The following CP variants were observed in gnomAD, a reference collection of about 807,000 sequenced individuals.
CP encodes ceruloplasmin.
CP carries 64 observed loss-of-function variants against 122.4 expected under a neutral mutation model. The observed-to-expected ratio is 0.52, with a 90% CI of 0.43 to 0.64. The LOEUF (loss-of-function observed/expected upper bound fraction) is 0.64. Among genes scored for constraint, CP ranks in the 30% least tolerant of loss-of-function variants. The pLI is 0.00. For synonymous variants in CP, 440 were observed against 436.4 expected, an observed-to-expected ratio of 1.01 and a Z score of -0.10; for missense variants, 1,167 against 1,284.4, an observed-to-expected ratio of 0.91 and a Z score of 1.40.
At chr3:149,217,888 T>C in intron 1 of CP, 6 of 452,152 alleles carry the variant, frequency 1.3e-5, no homozygotes, top group South Asian at 8.1e-5. Context: ...TGTTCTTTGT[T>C]GTCTAGTTTT....
intron 4 of CP, among the ~76,000 whole-genome samples, chr3:149,166,302 A>G (rs1196660853): frequency 6.6e-6 from 1 of 152,194 alleles, no homozygotes; most frequent in Non-Finnish European, 1.5e-5. Context: ...ATTAAGTGTT[A>G]AATTTTATTT....
intron 9 of CP, among the ~76,000 whole-genome samples, chr3:149,194,352 C>T (rs6440590): frequency 0.072 from 10,861 of 151,804 alleles, 1,291 homozygotes; most frequent in African/African-American, 0.25. Flanking sequence ...AATTCTTGTG[C>T]CTCAGCCTCC....
chr3:149,219,444 C>G (rs148035604), intron 1 of CP, among the ~76,000 whole-genome samples: 1 of 152,082 alleles, frequency 6.6e-6, no homozygotes, highest in African/African-American at 2.4e-5. Flanking sequence ...GTGGTTTCCC[C>G]CATATTGTTC....
intron 10 of CP, 133 bp from the exon 11 acceptor site, chr3:149,186,865 G>A (rs1726215001): frequency 3.8e-6 from 3 of 786,460 alleles, no homozygotes; most frequent in Non-Finnish European, 4.3e-6. Flanking sequence ...CGCTTTATGT[G>A]TCAGGAGTAT....
downstream of CP, chr3:149,172,194 AT>A (rs748044675): frequency 1.2e-6 from 2 of 1,613,564 alleles, no homozygotes; most frequent in Non-Finnish European, 1.7e-6. Flanking sequence ...TATCTTCTCT[AT>A]TGCAGTCGAA....
In CP at chr3:149,194,995, T is replaced by C. The variant is rs145674208; in HGVS notation, c.1713+3372A>G. On this transcript the variant is annotated intron_variant, in intron 9 of 18. Transcript: ENST00000264613. ...CAGAACAGCATAGAAAATCTAGAAA[T>C]AGACTCACTTATATATAAATATTTT... 5.7e-3 allele frequency among the ~76,000 whole-genome samples: 861 copies of C among 152,176 alleles called. 8 individuals carry two copies. The highest frequency in any genetic ancestry group is 0.02 in the African/African-American group (815 of 41,516).
Position 149,184,028 on chromosome 3 carries a change from C to CTTTTTTTTTTT in CP, c.2286-434_2286-424dup, listed in dbSNP as rs869206210. Among the ~76,000 whole-genome samples the CTTTTTTTTTTT allele has an allele frequency of 8.8e-4, 56 of 63,620 alleles. 2 individuals are homozygous for CTTTTTTTTTTT. Among genetic ancestry groups the CTTTTTTTTTTT allele is most frequent in the East Asian group, 1.6e-3 (3 of 1,890 alleles). 41.7% of individuals were successfully genotyped at this position (63,620 alleles called of 152,430 possible). ...CCAGGCATTCCCTTTTCACTTACTTCTTTTTTTTTTTTTTTTTTTTTTTTT... is the reference window on the plus strand; with the variant it reads ...CCAGGCATTCCCTTTTCACTTACTTCTTTTTTTTTTTTTTTTTTTTTTTTTTTTTTTTTTTT... On this transcript the variant is annotated intron_variant, in intron 12 of 18. Coordinates refer to ENST00000264613, the MANE Select transcript of CP (RefSeq NM_000096.4).
chr3:149,192,832 C>G (rs1726631313), intron 9 of CP, among the ~76,000 whole-genome samples: 1 of 151,826 alleles, frequency 6.6e-6, no homozygotes, highest in African/African-American at 2.4e-5. Flanking sequence ...GAATGAGGTG[C>G]AGTAATTGAC....
chr3:149,198,351 C>T lies in CP; in HGVS notation c.1713+16G>A, dbSNP rs1220694734. On this transcript the variant is annotated intron_variant, in intron 9 of 18. Coordinates refer to ENST00000264613, the MANE Select transcript of CP (RefSeq NM_000096.4). ...CAAAGAGATTGAACAATTTTTTTTT[C>T]CCCAGTTGGACTTACCTGTCTCCCA... The T allele has an allele frequency of 1.3e-6, 2 of 1,587,666 alleles. No homozygotes were observed. The highest frequency in any genetic ancestry group is 1.7e-5 in the Admixed American group (1 of 57,702).
intron 2 of CP, 119 bp from the exon 3 acceptor site, chr3:149,210,498 G>C (rs977189211): frequency 2.2e-6 from 2 of 902,346 alleles, no homozygotes; most frequent in Non-Finnish European, 3.6e-6. Flanking sequence ...GTGATCCTTG[G>C]GGATGTGTTA....
Position 149,176,241 on chromosome 3 carries a change from GA to G in CP, c.3181+8del. On this transcript the variant is annotated splice_region_variant and intron_variant, in intron 18 of 18. Coordinates refer to ENST00000264613, the MANE Select transcript of CP (RefSeq NM_000096.4). ...ATATGGCTTCTAGAATTACTACCTG[GA>G]TATTCACCTTCATTTTGTAGAACGG... 6.2e-7 allele frequency: 1 copy of G among 1,610,948 alleles called. No individual in the cohort carries two copies. Among genetic ancestry groups the G allele is most frequent in the Non-Finnish European group, 8.5e-7 (1 of 1,178,810 alleles).
intron 9 of CP, among the ~76,000 whole-genome samples, chr3:149,189,380 G>A (rs182054245): frequency 2.0e-4 from 30 of 151,918 alleles, no homozygotes; most frequent in Non-Finnish European, 7.4e-5. Context: ...GTGAAACCCC[G>A]TCTCTACTAA....
At chr3:149,184,137 G>A (rs1725991111) in intron 12 of CP, among the ~76,000 whole-genome samples, 1 of 134,188 alleles carries the variant, frequency 7.5e-6, no homozygotes. Flanking sequence ...CCGGGTTCAC[G>A]CCATTCTCCT....
At chr3:149,213,626 T>G (rs997311571) in intron 1 of CP, among the ~76,000 whole-genome samples, 1 of 129,158 alleles carries the variant, frequency 7.7e-6, no homozygotes, top group African/African-American at 3.0e-5. Context: ...CTGCTCATCA[T>G]CATGGGTGTG....
At chr3:149,195,086 T>G (rs1052420429) in intron 9 of CP, among the ~76,000 whole-genome samples, 1 of 152,186 alleles carries the variant, frequency 6.6e-6, no homozygotes, top group African/African-American at 2.4e-5. Context: ...GGTAACTAGA[T>G]AGCCATACAG....
downstream of CP, chr3:149,167,819 ATCT>A: frequency 2.2e-6 from 2 of 924,018 alleles, no homozygotes; most frequent in Non-Finnish European, 3.6e-6. Context: ...TTCCTGCACA[ATCT>A]TCTTATTCTC....
At chr3:149,195,358 A>G (rs1159034402) in intron 9 of CP, among the ~76,000 whole-genome samples, 1 of 152,232 alleles carries the variant, frequency 6.6e-6, no homozygotes, top group Non-Finnish European at 1.5e-5. Context: ...CAAAATACAA[A>G]GAGACATGAA....
chr3:149,205,199 AC>A (rs201641479), intron 6 of CP, among the ~76,000 whole-genome samples: 45 of 150,960 alleles, frequency 3.0e-4, no homozygotes, highest in African/African-American at 8.3e-4. Context: ...AAAAAAAAAA[AC>A]AAAACAGAAA....
chr3:149,176,625 A>G (rs1285907800), intron 17 of CP: 1 of 526,882 alleles, frequency 1.9e-6, no homozygotes, highest in Non-Finnish European at 3.4e-6. Context: ...TGAAAGAAAG[A>G]TGTGATGAGA....
Sources: allele counts gnomAD v4.1 joint callset (sites outside exome capture counted in the v4.1 genomes callset), GRCh38; gene constraint gnomAD v4.1.1; transcripts MANE v1.5; gene names NCBI Gene and HGNC (gene_info 2026-07-23, HGNC 2026-07-21).